Variants in EPB41L5 observed in about 807,000 individuals in gnomAD.
EPB41L5 encodes the protein erythrocyte membrane protein band 4.1 like 5, also known as band 4.1-like protein 5.
A neutral mutation model predicts 106.6 loss-of-function variants in EPB41L5; 55 were observed. That is an observed-to-expected ratio of 0.52 (90% confidence interval 0.42 to 0.65). EPB41L5 has a LOEUF of 0.65. Ranked by LOEUF, EPB41L5 falls within the 30% of genes least tolerant of loss-of-function variation. EPB41L5 has a pLI of 0.00. For synonymous variants in EPB41L5, 297 were observed against 306.7 expected, an observed-to-expected ratio of 0.97 and a Z score of 0.33; for missense variants, 871 against 882.1, an observed-to-expected ratio of 0.99 and a Z score of 0.16.
chr2:120,141,345 A>T (rs1686165273), intron 18 of EPB41L5, among the ~76,000 whole-genome samples: 1 of 152,076 alleles, frequency 6.6e-6, no homozygotes, highest in East Asian at 1.9e-4. Flanking sequence ...ATGCTAATTG[A>T]ATTTTCAGAT....
At chr2:120,057,049 A>G (rs941659683) in intron 3 of EPB41L5, among the ~76,000 whole-genome samples, 29 of 152,088 alleles carry the variant, frequency 1.9e-4, no homozygotes, top group African/African-American at 6.8e-4. Context: ...GGCACCCACC[A>G]CGCCTGGCTA....
intron 12 of EPB41L5, among the ~76,000 whole-genome samples, chr2:120,091,006 A>G (rs1683372245): frequency 6.6e-6 from 1 of 152,180 alleles, no homozygotes; most frequent in Non-Finnish European, 1.5e-5. Flanking sequence ...CATGGAAATC[A>G]GTTAAAGAAG....
chr2:120,047,289 A>G (rs1679855030), intron 3 of EPB41L5, among the ~76,000 whole-genome samples: 1 of 152,216 alleles, frequency 6.6e-6, no homozygotes, highest in Admixed American at 6.5e-5. Context: ...CTTCCTATCC[A>G]TGAGCATGGA....
intron 16 of EPB41L5, among the ~76,000 whole-genome samples, chr2:120,123,770 A>G (rs546339524): frequency 5.0e-5 from 7 of 141,198 alleles, no homozygotes; most frequent in East Asian, 2.2e-4. Context: ...TGATTCTCCC[A>G]TCTCAGCCTC....
In EPB41L5 at chr2:120,175,976, C is replaced by A. The variant is rs1687906405; in HGVS notation, c.*1069C>A. On this transcript the variant is annotated 3_prime_UTR_variant, in exon 25 of 25. Coordinates refer to ENST00000263713, the MANE Select transcript of EPB41L5 (RefSeq NM_020909.4). Reference sequence around the variant, plus strand: ...TGTATGAAGCTATACACAGCATATACCGAAAGAACCTGCATTGCACTAGGA... The same window carrying A: ...TGTATGAAGCTATACACAGCATATAACGAAAGAACCTGCATTGCACTAGGA... The A allele has an allele frequency of 1.3e-5, 2 of 152,274 alleles. No individual in the cohort carries two copies. Among genetic ancestry groups the A allele is most frequent in the Non-Finnish European group, 1.5e-5 (1 of 68,020 alleles). The allele number at this position is 152,274 out of a possible 1,614,324, so 9.4% of individuals were successfully genotyped here. A position where few individuals can be genotyped will look rare whatever the true frequency, so the allele number is the denominator to read the frequency against.
At chr2:120,048,357 A>G (rs1679971748) in intron 3 of EPB41L5, among the ~76,000 whole-genome samples, 1 of 152,110 alleles carries the variant, frequency 6.6e-6, no homozygotes, top group Admixed American at 6.6e-5. Context: ...TGATCTATTC[A>G]GGGATTCAGC....
intron 3 of EPB41L5, among the ~76,000 whole-genome samples, chr2:120,065,970 C>T (rs905851241): frequency 4.6e-5 from 7 of 152,124 alleles, no homozygotes; most frequent in Non-Finnish European, 1.0e-4. Context: ...TGTGCACATA[C>T]TCACACACTT....
chr2:120,103,980 C>G (rs186695188), intron 16 of EPB41L5: 23 of 1,421,074 alleles, frequency 1.6e-5, no homozygotes, highest in Non-Finnish European at 2.1e-5. Context: ...TTACCTTTCC[C>G]CTTTATTGTC....
At chr2:120,134,261 C>T (rs1685826119) in intron 18 of EPB41L5, among the ~76,000 whole-genome samples, 1 of 151,974 alleles carries the variant, frequency 6.6e-6, no homozygotes, top group Non-Finnish European at 1.5e-5. Context: ...GGTAACAGCT[C>T]AGTCACAGTA....
At chr2:120,050,415 C>T (rs1440155589) in intron 3 of EPB41L5, among the ~76,000 whole-genome samples, 1 of 152,148 alleles carries the variant, frequency 6.6e-6, no homozygotes, top group East Asian at 1.9e-4. Context: ...ATTTGATCTT[C>T]AATCACTGAT....
At chr2:120,091,755 T>C (rs1253263475) in intron 13 of EPB41L5, 94 bp downstream of exon 13, 1 of 916,456 alleles carries the variant, frequency 1.1e-6, no homozygotes, top group Non-Finnish European at 1.7e-6. Flanking sequence ...CTGAATCTCC[T>C]CCTCAGGTCT....
chr2:120,106,028 C>G (rs1457868313), intron 16 of EPB41L5: 1 of 984,402 alleles, frequency 1.0e-6, no homozygotes, highest in Admixed American at 6.2e-5. Context: ...ATATAATGCC[C>G]CATATATATC....
At chr2:120,169,634 T>C (rs1169607371) in intron 24 of EPB41L5, among the ~76,000 whole-genome samples, 2 of 152,186 alleles carry the variant, frequency 1.3e-5, no homozygotes, top group Non-Finnish European at 2.9e-5. Context: ...TTCTCCTTCC[T>C]CCGCAACCTC....
At chr2:120,032,044 A>G (rs961275217) in intron 2 of EPB41L5, among the ~76,000 whole-genome samples, 11 of 152,178 alleles carry the variant, frequency 7.2e-5, no homozygotes, top group African/African-American at 1.9e-4. Flanking sequence ...GCATTTTGCA[A>G]GGGTTCAGAG....
intron 2 of EPB41L5, among the ~76,000 whole-genome samples, chr2:120,021,775 A>G (rs191291991): frequency 1.5e-4 from 23 of 152,368 alleles, no homozygotes; most frequent in Admixed American, 9.8e-4. Context: ...AAAATAGTCC[A>G]GAAGAATAAT....
At chr2:120,086,791 G>T (rs935056304) in intron 10 of EPB41L5, among the ~76,000 whole-genome samples, 40 of 151,900 alleles carry the variant, frequency 2.6e-4, no homozygotes, top group African/African-American at 9.4e-4. Flanking sequence ...CTTTATGGCT[G>T]TTTTTTTTAA....
chr2:120,082,315 A>T (rs976325409), intron 10 of EPB41L5, among the ~76,000 whole-genome samples: 1 of 152,210 alleles, frequency 6.6e-6, no homozygotes, highest in East Asian at 1.9e-4. Flanking sequence ...AGTTTTTACC[A>T]TGAAGGCTGT....
chr2:120,105,081 A>G, intron 16 of EPB41L5: 1 of 980,198 alleles, frequency 1.0e-6, no homozygotes, highest in Non-Finnish European at 1.2e-6. Flanking sequence ...CTGATCCTGT[A>G]TAACCTTTAA....
At chr2:120,131,549 T>A (rs1029386250) in intron 17 of EPB41L5, 69 bp from the exon 18 acceptor site, 18 of 1,027,914 alleles carry the variant, frequency 1.8e-5, no homozygotes, top group Non-Finnish European at 2.6e-5. Flanking sequence ...AACAAAACCA[T>A]ACCCTCACAC....
Sources: gnomAD v4.1 joint callset for allele counts (sites outside exome capture counted in the v4.1 genomes callset) on GRCh38, gnomAD v4.1.1 for gene constraint, MANE v1.5 for transcripts, NCBI Gene and HGNC (gene_info 2026-07-23, HGNC 2026-07-21) for gene names.